TSPAN18: variants seen among roughly 807,000 people sequenced by gnomAD.
TSPAN18 encodes tetraspanin-18.
In TSPAN18, 14 loss-of-function variants were observed where a neutral mutation model predicts 27.3. The observed-to-expected ratio is 0.51, with a 90% CI of 0.34 to 0.80. The LOEUF (loss-of-function observed/expected upper bound fraction) is 0.80, where lower values mean the gene tolerates loss of function less well. Among genes scored for constraint, TSPAN18 ranks in the 30% least tolerant of loss-of-function variants. The pLI is 0.01. For synonymous variants in TSPAN18, 143 were observed against 136.5 expected (o/e 1.05, Z -0.33); for missense variants, 268 against 323.9 (o/e 0.83, Z 1.32).
intron 2 of TSPAN18, among the ~76,000 whole-genome samples, chr11:44,825,750 T>C (rs1473288852): frequency 6.6e-6 from 1 of 152,178 alleles, no homozygotes; most frequent in Non-Finnish European, 1.5e-5. Context: ...AGGGCCTGTT[T>C]TCTTAGACAA....
intron 3 of TSPAN18, among the ~76,000 whole-genome samples, chr11:44,883,773 C>T (rs1182583292): frequency 1.3e-5 from 2 of 152,216 alleles, no homozygotes; most frequent in African/African-American, 2.4e-5. Flanking sequence ...GGGACTTGGA[C>T]ACCTCTGAGC....
chr11:44,729,289 G>A (rs1367556793), intron 1 of TSPAN18, among the ~76,000 whole-genome samples: 1 of 152,184 alleles, frequency 6.6e-6, no homozygotes, highest in Non-Finnish European at 1.5e-5. Flanking sequence ...TTTGCTTTTA[G>A]TGACTCTTGT....
intron 3 of TSPAN18, among the ~76,000 whole-genome samples, chr11:44,882,188 C>G (rs1257221831): frequency 6.6e-6 from 1 of 152,128 alleles, no homozygotes; most frequent in Non-Finnish European, 1.5e-5. Context: ...ATCCTAAAGC[C>G]GCCTCCCATT....
At chr11:44,768,996 A>G (rs1237923319) in intron 2 of TSPAN18, among the ~76,000 whole-genome samples, 1 of 151,360 alleles carries the variant, frequency 6.6e-6, no homozygotes, top group Non-Finnish European at 1.5e-5. Context: ...TTTCAGGTTA[A>G]GAAATTCTCT....
intron 1 of TSPAN18, among the ~76,000 whole-genome samples, chr11:44,760,724 T>A (rs778383896): frequency 6.6e-6 from 1 of 152,144 alleles, no homozygotes; most frequent in Non-Finnish European, 1.5e-5. Context: ...CCTTGCAAAA[T>A]GGGTGAAATT....
In TSPAN18 at chr11:44,813,704, T is replaced by C. The variant is rs554745163; in HGVS notation, c.-152-46624T>C. Among the ~76,000 whole-genome samples, 3 of 152,296 alleles carry C rather than the reference T, an allele frequency of 2.0e-5. No homozygotes were observed. The South Asian group carries it at 6.2e-4, about 32-fold the overall frequency. ...TATCAATGCCAGGGTCCCAGCTGCA[T>C]GCATGACAAAAATACACTTCAGAGG... On this transcript the variant is annotated intron_variant, in intron 2 of 9. Coordinates refer to ENST00000520358, the MANE Select transcript of TSPAN18 (RefSeq NM_130783.5).
At chr11:44,803,740 T>C (rs1856532524) in intron 2 of TSPAN18, among the ~76,000 whole-genome samples, 1 of 152,152 alleles carries the variant, frequency 6.6e-6, no homozygotes, top group Non-Finnish European at 1.5e-5. Context: ...ACAGAAATGC[T>C]CTGAGTCTCT....
intron 1 of TSPAN18, among the ~76,000 whole-genome samples, chr11:44,734,008 C>G (rs1456450293): frequency 6.6e-6 from 1 of 152,088 alleles, no homozygotes; most frequent in African/African-American, 2.4e-5. Context: ...GCCTGGTGCC[C>G]TTCCTCAAGT....
At chr11:44,906,600 G>T (rs1219686587) in intron 4 of TSPAN18, 121 bp downstream of exon 4, 15 of 913,850 alleles carry the variant, frequency 1.6e-5, no homozygotes, top group Non-Finnish European at 2.6e-5. Flanking sequence ...AGAGGCAGGG[G>T]TACCTGCCAG....
At position 44,812,979 on chromosome 11, in the gene TSPAN18, G is replaced by A. The variant is rs115709876; in HGVS notation, c.-152-47349G>A. Reference sequence around the variant, plus strand: ...GGAGCAAAGCCCTGTGTCTGTGTGCGGCTCCCCGACACCAGGCCTGCTCTT... The same window carrying A: ...GGAGCAAAGCCCTGTGTCTGTGTGCAGCTCCCCGACACCAGGCCTGCTCTT... On this transcript the variant is annotated intron_variant, in intron 2 of 9. Coordinates refer to ENST00000520358, the MANE Select transcript of TSPAN18 (RefSeq NM_130783.5). Among the ~76,000 whole-genome samples, 534 of 152,290 alleles carry A rather than the reference G, an allele frequency of 3.5e-3. 7 individuals carry two copies. The highest frequency in any genetic ancestry group is 0.012 in the African/African-American group (510 of 41,552).
intron 3 of TSPAN18, among the ~76,000 whole-genome samples, chr11:44,899,988 CAT>C (rs1418903020): frequency 6.6e-6 from 1 of 152,188 alleles, no homozygotes; most frequent in Non-Finnish European, 1.5e-5. Flanking sequence ...TCTTGGACCT[CAT>C]AGTCTCAATT....
chr11:44,894,748 G>C (rs1320726199), intron 3 of TSPAN18, among the ~76,000 whole-genome samples: 1 of 152,218 alleles, frequency 6.6e-6, no homozygotes, highest in Non-Finnish European at 1.5e-5. Flanking sequence ...AGGGCCTCCA[G>C]CTGGCTCAGG....
chr11:44,751,873 G>A (rs943055996), intron 1 of TSPAN18, among the ~76,000 whole-genome samples: 28 of 151,346 alleles, frequency 1.9e-4, no homozygotes, highest in Non-Finnish European at 3.4e-4. Context: ...GTTTCAATGA[G>A]TCAAGATCAC....
At chr11:44,820,411 A>C (rs1034698925) in intron 2 of TSPAN18, among the ~76,000 whole-genome samples, 1 of 152,326 alleles carries the variant, frequency 6.6e-6, no homozygotes, top group Non-Finnish European at 1.5e-5. Flanking sequence ...GCAAGTGGAC[A>C]GGGTCATATG....
chr11:44,842,018 CG>C (rs1439497154), intron 2 of TSPAN18, among the ~76,000 whole-genome samples: 1 of 152,178 alleles, frequency 6.6e-6, no homozygotes, highest in Non-Finnish European at 1.5e-5. Context: ...CATTGTGCAG[CG>C]GGGAAACTGA....
chr11:44,764,511 AG>A lies in TSPAN18; in HGVS notation c.-153+1del, dbSNP rs1198333904. The A allele has an allele frequency of 6.6e-6, 1 of 152,286 alleles. No individual in the cohort carries two copies. The highest frequency in any genetic ancestry group is 1.5e-5 in the Non-Finnish European group (1 of 68,078). 9.4% of individuals were successfully genotyped at this position (152,286 alleles called of 1,614,324 possible). ...CAAAGGGAAAGACACCAGTGGAAAG[AG>A]GTATGATGTGGCAACATGGCAGGGT... On this transcript the variant is annotated splice_region_variant and 5_prime_UTR_variant, in exon 2 of 10. Transcript: ENST00000520358.
intron 3 of TSPAN18, among the ~76,000 whole-genome samples, chr11:44,906,154 G>A (rs1030932293): frequency 5.9e-5 from 9 of 152,214 alleles, no homozygotes; most frequent in Non-Finnish European, 1.0e-4. Context: ...CCTAATCTCC[G>A]CTTTAAAGTC....
chr11:44,912,941 G>C (rs148266587), intron 5 of TSPAN18, among the ~76,000 whole-genome samples: 3 of 151,682 alleles, frequency 2.0e-5, no homozygotes, highest in East Asian at 3.9e-4. Context: ...GGGGTTGGGG[G>C]GGTTCTGTGA....
intron 2 of TSPAN18, among the ~76,000 whole-genome samples, chr11:44,804,734 T>C (rs1856555268): frequency 6.6e-6 from 1 of 151,528 alleles, no homozygotes; most frequent in Non-Finnish European, 1.5e-5. Context: ...TAAATTTTTC[T>C]TTCAAGTCCA....
Sources: allele counts gnomAD v4.1 joint callset (sites outside exome capture counted in the v4.1 genomes callset), GRCh38; gene constraint gnomAD v4.1.1; transcripts MANE v1.5; gene names NCBI Gene and HGNC (gene_info 2026-07-23, HGNC 2026-07-21).